The following LRPPRC variants were observed in gnomAD, a reference collection of about 807,000 sequenced individuals.
LRPPRC encodes leucine-rich PPR motif-containing protein, mitochondrial.
A neutral mutation model predicts 180.3 loss-of-function variants in LRPPRC; 120 were observed. The observed-to-expected ratio is 0.67, with a 90% CI of 0.57 to 0.77. The LOEUF is 0.77. Among genes scored for constraint, LRPPRC ranks in the 30% least tolerant of loss-of-function variants. The pLI is 0.00. For synonymous variants in LRPPRC, 723 were observed against 600.0 expected (o/e 1.21, Z -3.00); for missense variants, 2,012 against 1,657.2 (o/e 1.21, Z -3.72).
At chr2:43,935,477 T>C (rs1405714455) in intron 23 of LRPPRC, among the ~76,000 whole-genome samples, 1 of 152,224 alleles carries the variant, frequency 6.6e-6, no homozygotes, top group Non-Finnish European at 1.5e-5. Context: ...ATATTCGTGT[T>C]GGTCAGTGAA....
At chr2:43,951,525 G>C (rs1672901091) in intron 14 of LRPPRC, among the ~76,000 whole-genome samples, 1 of 152,166 alleles carries the variant, frequency 6.6e-6, no homozygotes, top group African/African-American at 2.4e-5. Context: ...GATTAATTTT[G>C]TCAGGTATGA....
At chr2:43,948,550 T>C (rs1672782723) in intron 16 of LRPPRC, 32 bp from the exon 17 acceptor site, 3 of 1,037,852 alleles carry the variant, frequency 2.9e-6, no homozygotes. Flanking sequence ...AGCATTCCAC[T>C]AAAATTACCG....
rs1222354032 is a variant in LRPPRC at position 43,943,885 on chromosome 2, T to C, written c.2306A>G (p.Asn769Ser). The C allele has an allele frequency of 6.2e-7, 1 of 1,611,286 alleles. No individual in the cohort carries two copies. Among genetic ancestry groups the C allele is most frequent in the Non-Finnish European group, 8.5e-7 (1 of 1,177,614 alleles). ...AKHGKLQDAI[N>S]ILKEMKEKDV... ...CTTCTCTTTCATCTCCTTCAGAATG[T>C]TAATAGCATCTACAATGAAGTAACA... The change falls in exon 23 of 38, where the codon AAC becomes AGC. Residue 769 changes from asparagine (N) to serine (S), a missense_variant. By Grantham distance (46) the Asn-to-Ser change is conservative (BLOSUM62 1). Coordinates refer to ENST00000260665, the MANE Select transcript of LRPPRC (RefSeq NM_133259.4).
At chr2:43,933,734 T>G (rs1672174111) in intron 25 of LRPPRC, among the ~76,000 whole-genome samples, 1 of 152,206 alleles carries the variant, frequency 6.6e-6, no homozygotes, top group South Asian at 2.1e-4. Flanking sequence ...TTAAATTAAA[T>G]GCCAAACAGT....
intron 11 of LRPPRC, among the ~76,000 whole-genome samples, chr2:43,972,309 G>C (rs985394235): frequency 3.3e-5 from 5 of 152,094 alleles, no homozygotes; most frequent in African/African-American, 9.7e-5. Context: ...TTGAGATAAA[G>C]CCCATTTTCT....
In LRPPRC at chr2:43,947,739, A is replaced by C. The variant is rs965485334; in HGVS notation, c.1957T>G (p.Phe653Val). ...GTCAAAATCCTACTTACTTTTTGAA[A>C]GTCTAAATTCTTACTCTCAACCAAC... Reference protein sequence around the residue: ...HLLVESKNLDFQKTVQLTSSE... With the variant: ...HLLVESKNLDVQKTVQLTSSE... Residue 653 changes from phenylalanine to valine, a missense_variant, in exon 19 of 38, where the codon TTT becomes GTT. By Grantham distance (50) the Phe-to-Val change is conservative. Transcript: ENST00000260665. The C allele has an allele frequency of 1.3e-5, 20 of 1,576,520 alleles. No homozygotes were observed. The highest frequency in any genetic ancestry group is 1.7e-5 in the Non-Finnish European group (20 of 1,146,218).
intron 3 of LRPPRC, 145 bp downstream of exon 3, chr2:43,979,681 C>T: frequency 1.5e-6 from 1 of 688,448 alleles, no homozygotes; most frequent in Middle Eastern, 4.1e-4. Flanking sequence ...CACTATACCT[C>T]ACCAAATAAA....
At chr2:43,970,089 A>G (rs1196010199) in intron 11 of LRPPRC, among the ~76,000 whole-genome samples, 1 of 152,212 alleles carries the variant, frequency 6.6e-6, no homozygotes, top group African/African-American at 2.4e-5. Flanking sequence ...TCAGTGTTTG[A>G]AAACTGGCCA....
upstream of LRPPRC, chr2:43,996,037 A>T: frequency 7.4e-7 from 1 of 1,356,982 alleles, no homozygotes; most frequent in East Asian, 2.8e-5. Flanking sequence ...GGCAGAGACC[A>T]ACTGCCGGGC....
Position 43,982,272 on chromosome 2 carries a change from A to G in LRPPRC, c.312T>C (p.Leu104=). 6.4e-7 allele frequency: 1 copy of G among 1,574,146 alleles called. No individual in the cohort carries two copies. The highest frequency in any genetic ancestry group is 8.6e-7 in the Non-Finnish European group (1 of 1,164,146). Residue 104 remains leucine (L), a synonymous_variant, in exon 2 of 38, where the codon CTT becomes CTC. Transcript: ENST00000260665. ...VRRTGRIPKK[L]LQKVFNDTCR... ...AGGTATCATTAAAAACTTTTTGTAG[A>G]AGCTTCTTTGGAATGCGGCCAGTTC...
chr2:43,957,867 G>A lies in LRPPRC; in HGVS notation c.1583-416C>T, dbSNP rs1025320018. Among the ~76,000 whole-genome samples the A allele has an allele frequency of 9.2e-5, 14 of 152,088 alleles. No individual in the cohort carries two copies. In the East Asian group the frequency reaches 1.2e-3, roughly 13 times the overall value. On this transcript the variant is annotated intron_variant, in intron 13 of 37. Transcript: ENST00000260665. ...ACATGAGAGGAAAAATTCTTTTCTC[G>A]GAGAGGTGTTGGGTTCTGTTGAACC...
intron 1 of LRPPRC, among the ~76,000 whole-genome samples, chr2:43,985,329 C>A (rs1403690776): frequency 2.0e-5 from 3 of 152,152 alleles, no homozygotes; most frequent in African/African-American, 7.2e-5. Context: ...AAATGATGAA[C>A]CAATGCTGAT....
intron 29 of LRPPRC, among the ~76,000 whole-genome samples, chr2:43,917,225 G>C (rs1172625922): frequency 1.3e-5 from 2 of 151,622 alleles, no homozygotes; most frequent in Non-Finnish European, 2.9e-5. Context: ...ATTTCTAGTA[G>C]AGATGGAGTT....
chr2:43,886,325 G>C lies in LRPPRC; in HGVS notation c.*2275C>G, dbSNP rs1007249081. ...ATATAAAATACTATAGTTCTCAATA[G>C]TTTACAGTGACATCTTTTTTAGAAT... On this transcript the variant is annotated 3_prime_UTR_variant, in exon 38 of 38. Transcript: ENST00000260665. Among the ~76,000 whole-genome samples, 2 of 152,050 alleles carry C rather than the reference G, an allele frequency of 1.3e-5. No homozygotes were observed. The highest frequency in any genetic ancestry group is 4.8e-5 in the African/African-American group (2 of 41,386).
rs1410962174 is a variant in LRPPRC, at chr2:43,899,180, G to A, written c.3825+39C>T. The A allele has an allele frequency of 2.9e-6, 4 of 1,391,368 alleles. No homozygotes were observed. In the Admixed American group the frequency reaches 5.0e-5, roughly 18 times the overall value. 86.2% of individuals were successfully genotyped at this position (1,391,368 alleles called of 1,614,324 possible). On this transcript the variant is annotated intron_variant, in intron 34 of 37. Transcript: ENST00000260665. ...TAATTTCTCAATTTACTTCTTGCAA[G>A]CCTCGAGCCCCACTGCTCCATGAGT...
At chr2:43,939,658 T>A (rs771565152) in intron 23 of LRPPRC, among the ~76,000 whole-genome samples, 31 of 152,194 alleles carry the variant, frequency 2.0e-4, no homozygotes, top group Non-Finnish European at 4.1e-4. Flanking sequence ...AGCTAAATGT[T>A]TTTTTTCTGT....
At chr2:43,946,682 CAT>C (rs1213714950) in intron 20 of LRPPRC, among the ~76,000 whole-genome samples, 1 of 151,842 alleles carries the variant, frequency 6.6e-6, no homozygotes, top group African/African-American at 2.4e-5. Context: ...AGATTATAAT[CAT>C]AAAGTTAGTC....
chr2:43,947,654 T>TTTAAGTACACAA (rs1672738335), intron 19 of LRPPRC, 77 bp downstream of exon 19: 14 of 920,098 alleles, frequency 1.5e-5, no homozygotes, highest in Non-Finnish European at 2.3e-5. Flanking sequence ...AATCACTGGT[T>TTTAAGTACACAA]TTATAAGTAC....
At chr2:43,994,735 T>C (rs1488831182) in intron 1 of LRPPRC, among the ~76,000 whole-genome samples, 1 of 152,190 alleles carries the variant, frequency 6.6e-6, no homozygotes, top group African/African-American at 2.4e-5. Flanking sequence ...CTATCTCCCC[T>C]TCTCTGGTGG....
Sources: allele counts gnomAD v4.1 joint callset (sites outside exome capture counted in the v4.1 genomes callset), GRCh38; gene constraint gnomAD v4.1.1; transcripts MANE v1.5; gene names NCBI Gene and HGNC (gene_info 2026-07-23, HGNC 2026-07-21).